CLIC4: variants seen among roughly 807,000 people sequenced by gnomAD.
The protein encoded by CLIC4 is chloride intracellular channel protein 4.
Under a neutral mutation model 24.6 loss-of-function variants are expected in CLIC4, and 13 were observed. The ratio of observed to expected loss-of-function variants is 0.53; its 90% confidence interval spans 0.34 to 0.84. The LOEUF is 0.84. Ranked by LOEUF, CLIC4 falls within the 40% of genes least tolerant of loss-of-function variation. The probability of loss-of-function intolerance (pLI) is 0.01; values close to 1 mark genes in which losing one functional copy is unlikely to be tolerated. For synonymous variants in CLIC4, 104 were observed against 111.3 expected (o/e 0.93, Z 0.41); for missense variants, 227 against 301.7 (o/e 0.75, Z 1.83).
chr1:24,788,444 A>T (rs564934704), intron 1 of CLIC4, among the ~76,000 whole-genome samples: 41 of 152,292 alleles, frequency 2.7e-4, no homozygotes, highest in African/African-American at 8.9e-4. Context: ...AAATGGTATC[A>T]TATTCAGTTG....
chr1:24,761,605 A>G (rs1342174973), intron 1 of CLIC4, among the ~76,000 whole-genome samples: 1 of 152,146 alleles, frequency 6.6e-6, no homozygotes, highest in Non-Finnish European at 1.5e-5. Context: ...CCTTAGTAGA[A>G]ATGGCAGTTC....
intron 3 of CLIC4, among the ~76,000 whole-genome samples, chr1:24,815,885 T>G (rs1289350490): frequency 1.3e-5 from 2 of 152,218 alleles, no homozygotes; most frequent in Non-Finnish European, 2.9e-5. Context: ...TCCTGCTGTT[T>G]TAACAACTAA....
chr1:24,838,429 A>G (rs557279231), intron 4 of CLIC4, among the ~76,000 whole-genome samples: 91 of 152,248 alleles, frequency 6.0e-4, no homozygotes, highest in Non-Finnish European at 6.8e-4. Context: ...ACTACCATCT[A>G]TTACCTGGAC....
chr1:24,774,256 G>A (rs1262365356), intron 1 of CLIC4, among the ~76,000 whole-genome samples: 1 of 152,152 alleles, frequency 6.6e-6, no homozygotes, highest in East Asian at 1.9e-4. Context: ...GATTACAGGC[G>A]TGAGCCACCA....
At chr1:24,753,292 G>A (rs1463361672) in intron 1 of CLIC4, among the ~76,000 whole-genome samples, 1 of 152,174 alleles carries the variant, frequency 6.6e-6, no homozygotes, top group African/African-American at 2.4e-5. Flanking sequence ...GAATGTACCG[G>A]CATGAACTAA....
chr1:24,750,144 G>A (rs1638756039), intron 1 of CLIC4, among the ~76,000 whole-genome samples: 1 of 152,158 alleles, frequency 6.6e-6, no homozygotes, highest in Admixed American at 6.5e-5. Context: ...CCTAGAGGCT[G>A]CGGGTGGGAG....
At chr1:24,815,262 C>T (rs1398264760) in intron 3 of CLIC4, among the ~76,000 whole-genome samples, 1 of 152,166 alleles carries the variant, frequency 6.6e-6, no homozygotes, top group Non-Finnish European at 1.5e-5. Context: ...CTTTGGGAGG[C>T]TGAGGCGGAT....
intron 1 of CLIC4, among the ~76,000 whole-genome samples, chr1:24,771,362 C>T (rs1639068870): frequency 6.6e-6 from 1 of 152,142 alleles, no homozygotes; most frequent in South Asian, 2.1e-4. Context: ...TATATTCTGC[C>T]ACTCATCTGA....
chr1:24,755,037 A>G (rs1638827848), intron 1 of CLIC4, among the ~76,000 whole-genome samples: 1 of 147,326 alleles, frequency 6.8e-6, no homozygotes. Context: ...GTGTTACTAC[A>G]CTCCAGCCTG....
chr1:24,759,696 C>T (rs1410316905), intron 1 of CLIC4, among the ~76,000 whole-genome samples: 1 of 152,180 alleles, frequency 6.6e-6, no homozygotes, highest in Non-Finnish European at 1.5e-5. Flanking sequence ...CGCCTGTACT[C>T]CCAGCATTTT....
chr1:24,750,236 C>G (rs1306398157), intron 1 of CLIC4, among the ~76,000 whole-genome samples: 4 of 152,060 alleles, frequency 2.6e-5, no homozygotes, highest in Non-Finnish European at 5.9e-5. Flanking sequence ...CAGAACAAGA[C>G]CCTGTCTCGG....
chr1:24,778,750 A>C (rs1397286340), intron 1 of CLIC4, among the ~76,000 whole-genome samples: 2 of 152,244 alleles, frequency 1.3e-5, no homozygotes, highest in East Asian at 3.8e-4. Context: ...GTGAACAAGC[A>C]GAACTCGTTT....
At chr1:24,800,869 A>G (rs1002506855) in intron 2 of CLIC4, among the ~76,000 whole-genome samples, 4 of 150,686 alleles carry the variant, frequency 2.7e-5, no homozygotes, top group African/African-American at 9.8e-5. Context: ...TGAAGGCAGC[A>G]TGCTCGTTAA....
At chr1:24,821,080 G>C (rs1639726259) in intron 3 of CLIC4, among the ~76,000 whole-genome samples, 1 of 152,088 alleles carries the variant, frequency 6.6e-6, no homozygotes, top group South Asian at 2.1e-4. Flanking sequence ...AGCTACTGGG[G>C]AGCCTGAGGT....
intron 3 of CLIC4, among the ~76,000 whole-genome samples, chr1:24,819,439 CTTT>C (rs764888181): frequency 7.0e-6 from 1 of 143,692 alleles, no homozygotes; most frequent in African/African-American, 2.5e-5. Flanking sequence ...GTGGAAATAA[CTTT>C]TTTTTTTTTT....
intron 3 of CLIC4, among the ~76,000 whole-genome samples, chr1:24,817,495 G>A (rs953099031): frequency 6.6e-6 from 1 of 152,182 alleles, no homozygotes; most frequent in African/African-American, 2.4e-5. Flanking sequence ...AGTGAGTTAG[G>A]GCCTTGATCT....
chr1:24,805,106 C>CAA (rs1346139781), intron 2 of CLIC4, among the ~76,000 whole-genome samples: 3 of 86,882 alleles, frequency 3.5e-5, no homozygotes, highest in Non-Finnish European at 7.3e-5. Context: ...AAAAAAAAAA[C>CAA]ACAAAAACAA....
chr1:24,775,224 C>CTTTTTTTTTTTTTTTTTTTTCTTTTTTT, intron 1 of CLIC4, among the ~76,000 whole-genome samples: 8 of 90,662 alleles, frequency 8.8e-5, no homozygotes, highest in East Asian at 3.4e-4. Flanking sequence ...TTCTTTCTTT[C>CTTTTTTTTTTTTTTTTTTTTCTTTTTTT]TTTTTTTTTT....
intron 2 of CLIC4, among the ~76,000 whole-genome samples, chr1:24,802,326 A>T (rs1639500236): frequency 6.6e-6 from 1 of 152,184 alleles, no homozygotes; most frequent in Admixed American, 6.5e-5. Context: ...AGATTTGTAT[A>T]TATATGTTAA....
Sources: gnomAD v4.1 joint callset for allele counts (sites outside exome capture counted in the v4.1 genomes callset) on GRCh38, gnomAD v4.1.1 for gene constraint, MANE v1.5 for transcripts, NCBI Gene and HGNC (gene_info 2026-07-23, HGNC 2026-07-21) for gene names.